DNPEP: variants seen among roughly 807,000 people sequenced by gnomAD.
DNPEP encodes aspartyl aminopeptidase.
DNPEP carries 46 observed loss-of-function variants against 59.1 expected under a neutral mutation model. That is an observed-to-expected ratio of 0.78 (90% CI 0.61 to 0.99). The LOEUF is 0.99. Ranked by LOEUF, DNPEP falls within the 50% of genes least tolerant of loss-of-function variation. The pLI is 0.00. For missense variants in DNPEP, 617 were observed against 649.9 expected (o/e 0.95, Z 0.55); for synonymous variants, 229 against 242.2 (o/e 0.95, Z 0.50).
At chr2:219,394,457 A>C in intron 1 of DNPEP, among the ~76,000 whole-genome samples, 1 of 152,150 alleles carries the variant, frequency 6.6e-6, no homozygotes, top group East Asian at 1.9e-4. Context: ...ATGTTTTTAA[A>C]ATAGAGATGA....
chr2:219,383,353 C>T (rs1953679321), intron 9 of DNPEP, 139 bp from the exon 10 acceptor site: 1 of 697,974 alleles, frequency 1.4e-6, no homozygotes, highest in East Asian at 2.7e-5. Context: ...CTTCCATGGC[C>T]ATGACTTTTA....
intron 10 of DNPEP, 80 bp downstream of exon 10, chr2:219,383,051 G>C: frequency 7.3e-7 from 1 of 1,363,528 alleles, no homozygotes; most frequent in Admixed American, 1.8e-5. Context: ...AAGAGCCCTG[G>C]CTCACGGTGG....
chr2:219,399,753 T>C, intron 1 of DNPEP: 1 of 848,248 alleles, frequency 1.2e-6, no homozygotes, highest in African/African-American at 1.7e-5. Flanking sequence ...GGACCCTATT[T>C]CATTCATCTC....
At chr2:219,386,571 G>C in intron 4 of DNPEP, 94 bp downstream of exon 4, 2 of 1,443,892 alleles carry the variant, frequency 1.4e-6, no homozygotes, top group Non-Finnish European at 9.5e-7. Context: ...CTTACTCCAG[G>C]GGATAGAGGC....
chr2:219,386,853 T>G (rs1018863966), intron 3 of DNPEP, 39 bp downstream of exon 3: 3 of 1,610,950 alleles, frequency 1.9e-6, no homozygotes, highest in Non-Finnish European at 2.5e-6. Context: ...GAGACCAGCC[T>G]AGGGACCTGC....
chr2:219,372,415 G>A lies in DNPEP; in HGVS notation c.*1877C>T, dbSNP rs565117542. ...GAGTCTGGCTCTGTCGCCCAGGCTGGAGTGCAGTGGCTCAATCTTGGCTCA... is the reference window on the plus strand; with the variant it reads ...GAGTCTGGCTCTGTCGCCCAGGCTGAAGTGCAGTGGCTCAATCTTGGCTCA... On this transcript the variant is annotated 3_prime_UTR_variant, in exon 15 of 15. Coordinates refer to ENST00000273075, the MANE Select transcript of DNPEP (RefSeq NM_012100.4). 6.6e-6 allele frequency among the ~76,000 whole-genome samples: 1 copy of A among 152,166 alleles called. No homozygotes were observed. Among genetic ancestry groups the A allele is most frequent in the East Asian group, 1.9e-4 (1 of 5,184 alleles).
chr2:219,388,134 C>T (rs1480042766), upstream of DNPEP: 2 of 239,458 alleles, frequency 8.4e-6, no homozygotes, highest in Non-Finnish European at 1.5e-5. Flanking sequence ...AAGCACCGCC[C>T]GCCCTGCCCC....
chr2:219,379,250 GAA>G (rs561225315), intron 13 of DNPEP, among the ~76,000 whole-genome samples: 1 of 136,456 alleles, frequency 7.3e-6, no homozygotes, highest in Admixed American at 7.4e-5. Flanking sequence ...CTACTTATTA[GAA>G]AAAAAAAAAA....
intron 4 of DNPEP, 100 bp from the exon 5 acceptor site, chr2:219,386,511 C>T (rs756179551): frequency 6.5e-6 from 10 of 1,544,734 alleles, no homozygotes; most frequent in Non-Finnish European, 8.9e-6. Context: ...ATTAGTGTCA[C>T]ATGAAAGGCT....
Position 219,386,283 on chromosome 2 carries a change from C to T in DNPEP, c.459+3G>A. ...CTCCGCCATCCCCAACCTCGGTTCC[C>T]ACCTTGACAATGACGCGTCCAGCCA... On this transcript the variant is annotated splice_donor_region_variant and intron_variant, in intron 5 of 14. Coordinates refer to ENST00000273075, the MANE Select transcript of DNPEP (RefSeq NM_012100.4). 6.2e-7 allele frequency: 1 copy of T among 1,614,204 alleles called. No homozygotes were observed. The highest frequency in any genetic ancestry group is 1.1e-5 in the South Asian group (1 of 91,088).
rs775054541 is a variant in DNPEP, at chr2:219,381,572, C to T, written c.1110G>A (p.Glu370=). Residue 370 remains glutamate (E), a synonymous_variant, in exon 12 of 15, where the codon GAG becomes GAA. Coordinates refer to ENST00000273075, the MANE Select transcript of DNPEP (RefSeq NM_012100.4). ...AVHPNYLDKH[E]ENHRPLFHKG... ...TGTGGAATAAAGGCCGGTGGTTCTC[C>T]TCATGCTTGTCCCTGTAAGAGACAG... 4 of 1,614,026 alleles carry T rather than the reference C, an allele frequency of 2.5e-6. No homozygotes were observed. The African/African-American group carries it at 5.3e-5, about 22-fold the overall frequency.
At chr2:219,391,285 T>G (rs1161905013), upstream of DNPEP, among the ~76,000 whole-genome samples, 5 of 152,204 alleles carry the variant, frequency 3.3e-5, no homozygotes, top group Admixed American at 6.5e-5. Flanking sequence ...TCAGCTTCCC[T>G]GAACTTTGGG....
intron 3 of DNPEP, 51 bp from the exon 4 acceptor site, chr2:219,386,829 G>C: frequency 6.2e-7 from 1 of 1,608,800 alleles, no homozygotes; most frequent in Non-Finnish European, 8.5e-7. Context: ...TACTCAGCTG[G>C]CACACAGGGC....
At chr2:219,384,338 T>C in intron 9 of DNPEP, 28 bp downstream of exon 9, 1 of 1,591,994 alleles carries the variant, frequency 6.3e-7, no homozygotes. Context: ...GGTGGTTATG[T>C]GCTGCCTGGG....
exon 1 of DNPEP, chr2:219,399,978 G>A: frequency 7.0e-7 from 1 of 1,438,026 alleles, no homozygotes. Flanking sequence ...TGAACCGTGT[G>A]CCTTTTTTGC....
chr2:219,380,171 A>G (rs1953529000), intron 13 of DNPEP, among the ~76,000 whole-genome samples: 1 of 141,978 alleles, frequency 7.0e-6, no homozygotes. Context: ...CTTTTATACC[A>G]TATGCTTCCT....
rs772378046 is a variant in DNPEP, at chr2:219,387,746, G to C, written c.36+13C>G. The C allele has an allele frequency of 6.8e-6, 11 of 1,607,824 alleles. No individual in the cohort carries two copies. In the South Asian group the frequency reaches 9.9e-5, roughly 14 times the overall value. On this transcript the variant is annotated intron_variant, in intron 1 of 14. Coordinates refer to ENST00000273075, the MANE Select transcript of DNPEP (RefSeq NM_012100.4). The stretch of plus-strand genomic sequence containing the variant: ...GGATCGAAATTCAAGTGGGGCCGTC[G>C]GGAGCCACTTACCTGCATGGCCCCG...
In DNPEP at chr2:219,372,910, ATC is replaced by A. The variant is rs201226064; in HGVS notation, c.*1380_*1381del. ...AATTTATATGTATTGATATAGAAATATCTCTATATTATATTAAGTTTTTTAGA... is the reference window on the plus strand; with the variant it reads ...AATTTATATGTATTGATATAGAAATATCTATATTATATTAAGTTTTTTAGA... On this transcript the variant is annotated 3_prime_UTR_variant, in exon 15 of 15. Transcript: ENST00000273075. Among the ~76,000 whole-genome samples, 1 of 152,158 alleles carries A rather than the reference ATC, an allele frequency of 6.6e-6. No homozygotes were observed. The highest frequency in any genetic ancestry group is 1.5e-5 in the Non-Finnish European group (1 of 68,034).
intron 8 of DNPEP, 134 bp from the exon 9 acceptor site, chr2:219,384,577 C>CT (rs5838737): frequency 0.94 from 487,167 of 519,984 alleles, 230,730 homozygotes; most frequent in Non-Finnish European, 0.98. Context: ...TTTGTTTTTT[C>CT]TTTTTTTTGA....
Sources: allele counts gnomAD v4.1 joint callset (sites outside exome capture counted in the v4.1 genomes callset), GRCh38; gene constraint gnomAD v4.1.1; transcripts MANE v1.5; gene names NCBI Gene and HGNC (gene_info 2026-07-23, HGNC 2026-07-21).